KIF1A: variants seen among roughly 807,000 people sequenced by gnomAD.
KIF1A encodes kinesin-like protein KIF1A.
KIF1A carries 46 observed loss-of-function variants against 227.3 expected under a neutral mutation model. That is an observed-to-expected ratio of 0.20 (90% CI 0.16 to 0.26). The LOEUF (loss-of-function observed/expected upper bound fraction) is 0.26, where lower values mean the gene tolerates loss of function less well. Among genes scored for constraint, KIF1A ranks in the 10% least tolerant of loss-of-function variants. The pLI is 1.00. For missense variants in KIF1A, 1,683 were observed against 2,485.9 expected (o/e 0.68, Z 6.87); for synonymous variants, 1,022 against 1,012.8 (o/e 1.01, Z -0.17).
chr2:240,803,084 C>A (rs573942491), intron 1 of KIF1A, among the ~76,000 whole-genome samples: 62 of 151,980 alleles, frequency 4.1e-4, no homozygotes, highest in Non-Finnish European at 8.5e-4. Flanking sequence ...TCAATACCCT[C>A]AAAAAAAATC....
chr2:240,775,357 G>A lies in KIF1A; in HGVS notation c.958+494C>T, dbSNP rs1442995055. On this transcript the variant is annotated intron_variant, in intron 11 of 48. Coordinates refer to ENST00000498729, the MANE Select transcript of KIF1A (RefSeq NM_001244008.2). The surrounding 1 kb of genome is among the most constrained non-coding windows in gnomAD (Gnocchi z 5.5). ...AAATGCAGTTGGGGAGGACTCTGAG[G>A]TTATTCCGGGATGGACGGGATCAGC... Among the ~76,000 whole-genome samples the A allele has an allele frequency of 6.6e-6, 1 of 152,228 alleles. No individual in the cohort carries two copies. The highest frequency in any genetic ancestry group is 1.5e-5 in the Non-Finnish European group (1 of 68,026).
chr2:240,744,936 C>T (rs1298574877), intron 32 of KIF1A, among the ~76,000 whole-genome samples: 2 of 152,186 alleles, frequency 1.3e-5, no homozygotes, highest in Admixed American at 6.5e-5. Context: ...CCAGTTCTCC[C>T]GCCTGGAGAA....
Position 240,729,431 on chromosome 2 carries a change from G to C in KIF1A, c.4008-2491C>G, listed in dbSNP as rs979478176. Among the ~76,000 whole-genome samples, 43 of 152,212 alleles carry C rather than the reference G, an allele frequency of 2.8e-4. 1 individual carries two copies. Among genetic ancestry groups the C allele is most frequent in the Non-Finnish European group, 5.9e-5 (4 of 68,030 alleles). On this transcript the variant is annotated intron_variant, in intron 38 of 48. Transcript: ENST00000498729. ...TCTCTGTGCCCTTCAGAGAGCACCA[G>C]GTCCTCCCAGCCCAGGCACTCCTCA...
At chr2:240,746,730 ACT>A (rs1368158828) in intron 29 of KIF1A, among the ~76,000 whole-genome samples, 1 of 152,012 alleles carries the variant, frequency 6.6e-6, no homozygotes, top group Non-Finnish European at 1.5e-5. Flanking sequence ...TTCCTCCACC[ACT>A]CTCTCAAGAG....
intron 38 of KIF1A, among the ~76,000 whole-genome samples, chr2:240,735,189 G>A (rs756623529): frequency 4.1e-4 from 63 of 152,278 alleles, no homozygotes; most frequent in African/African-American, 1.1e-3. Context: ...GGCCAAAGCC[G>A]CTTCGGGGAG....
In KIF1A at chr2:240,736,620, G is replaced by A. The variant is rs2047355815; in HGVS notation, c.4007+443C>T. Among the ~76,000 whole-genome samples, 1 of 152,314 alleles carries A rather than the reference G, an allele frequency of 6.6e-6. No individual in the cohort carries two copies. Among genetic ancestry groups the A allele is most frequent in the South Asian group, 2.1e-4 (1 of 4,820 alleles). On this transcript the variant is annotated intron_variant, in intron 38 of 48. Coordinates refer to ENST00000498729, the MANE Select transcript of KIF1A (RefSeq NM_001244008.2). The surrounding 1 kb of genome is among the most constrained non-coding windows in gnomAD (Gnocchi z 4.7). ...GTGTAGGAAGGAGCAGCCTGGTGAT[G>A]AGGGGCCTGTGCCAAGCAGTGCCTA...
In KIF1A at chr2:240,775,077, C is replaced by T. The variant is rs2052564794; in HGVS notation, c.958+774G>A. Reference sequence around the variant, plus strand: ...CTGGAGCAGGCGGCTCCTTCCCAGCCCACGTCTCAGGTGAAGGAACACACT... The same window carrying T: ...CTGGAGCAGGCGGCTCCTTCCCAGCTCACGTCTCAGGTGAAGGAACACACT... On this transcript the variant is annotated intron_variant, in intron 11 of 48. Transcript: ENST00000498729. The surrounding 1 kb of genome is among the most constrained non-coding windows in gnomAD (Gnocchi z 5.5). 6.6e-6 allele frequency among the ~76,000 whole-genome samples: 1 copy of T among 152,212 alleles called. No homozygotes were observed. The highest frequency in any genetic ancestry group is 2.1e-4 in the South Asian group (1 of 4,830).
intron 4 of KIF1A, 97 bp from the exon 5 acceptor site, chr2:240,787,413 T>C: frequency 9.5e-7 from 1 of 1,051,090 alleles, no homozygotes; most frequent in Non-Finnish European, 1.5e-6. Context: ...CCAGGCGGGA[T>C]CCACCCTCTC....
At position 240,723,545 on chromosome 2, in the gene KIF1A, C is replaced by T. The variant is rs776552179; in HGVS notation, c.4332G>A (p.Arg1444=). 19 of 1,537,928 alleles carry T rather than the reference C, an allele frequency of 1.2e-5. No homozygotes were observed. The highest frequency in any genetic ancestry group is 1.7e-5 in the Non-Finnish European group (19 of 1,137,070). The change falls in exon 42 of 49, where the codon CGG becomes CGA. Residue 1444 remains arginine (R), a synonymous_variant. Coordinates refer to ENST00000498729, the MANE Select transcript of KIF1A (RefSeq NM_001244008.2). Reference sequence around the variant, plus strand: ...CAGATGTGTCCAGGACTCGTCGGCGCCGGCGCTGCATCCCTGCATGGGGCA... The same window carrying T: ...CAGATGTGTCCAGGACTCGTCGGCGTCGGCGCTGCATCCCTGCATGGGGCA... ...ADAGSPGMQR[R]RRRVLDTSVA... is the part of the protein sequence containing the mutation.
In KIF1A at chr2:240,757,840, CA is replaced by C. The variant is rs1334104361; in HGVS notation, c.2583-247del. Among the ~76,000 whole-genome samples, 4 of 152,158 alleles carry C rather than the reference CA, an allele frequency of 2.6e-5. No homozygotes were observed. The highest frequency in any genetic ancestry group is 2.6e-4 in the Admixed American group (4 of 15,274). On this transcript the variant is annotated intron_variant, in intron 26 of 48. Transcript: ENST00000498729. The surrounding 1 kb of genome is among the most constrained non-coding windows in gnomAD (Gnocchi z 6.2). ...GGACACCTGCAGGTGGGACTGAGAA[CA>C]GGGGTCTCGGCTGGGAGTGGCTGAG...
chr2:240,734,877 G>T, intron 38 of KIF1A: 1 of 623,648 alleles, frequency 1.6e-6, no homozygotes, highest in Non-Finnish European at 2.7e-6. Flanking sequence ...AAAGCGTGGG[G>T]CCTGGGAGCG....
chr2:240,773,422 A>G (rs569275405), intron 12 of KIF1A, among the ~76,000 whole-genome samples, 166 bp from the exon 13 acceptor site: 71 of 152,256 alleles, frequency 4.7e-4, no homozygotes, highest in Non-Finnish European at 8.2e-4. Flanking sequence ...AATCGCCCCC[A>G]TGGCAAGTCG....
At chr2:240,731,051 G>T (rs1047834002) in intron 38 of KIF1A, among the ~76,000 whole-genome samples, 2 of 152,238 alleles carry the variant, frequency 1.3e-5, no homozygotes, top group Admixed American at 1.3e-4. Flanking sequence ...TGTACAGCTG[G>T]GAAGGCTGAT....
rs974835034 is a variant in KIF1A at position 240,740,607 on chromosome 2, A to G, written c.3750-243T>C. ...AGGGTGTCCAACAAGGAGACACGGT[A>G]TGGCACAGCCTGGCCCCTCTGGGCT... On this transcript the variant is annotated intron_variant, in intron 35 of 48. Transcript: ENST00000498729. This position sits in a 1 kb window ranked among gnomAD's most constrained non-coding sequence, Gnocchi z 6.1. 2.6e-5 allele frequency among the ~76,000 whole-genome samples: 4 copies of G among 151,924 alleles called. No individual in the cohort carries two copies. The highest frequency in any genetic ancestry group is 1.3e-4 in the Admixed American group (2 of 15,274).
intron 47 of KIF1A, 62 bp from the exon 48 acceptor site, chr2:240,718,230 G>T: frequency 8.8e-7 from 1 of 1,132,296 alleles, no homozygotes; most frequent in Non-Finnish European, 1.3e-6. Flanking sequence ...CCACCCTCCT[G>T]CTCCCCAGGG....
At position 240,763,281 on chromosome 2, in the gene KIF1A, C is replaced by T. The variant is rs997647746; in HGVS notation, c.1834G>A (p.Glu612Lys). 1 of 1,607,446 alleles carries T rather than the reference C, an allele frequency of 6.2e-7. No individual in the cohort carries two copies. The highest frequency in any genetic ancestry group is 8.5e-7 in the Non-Finnish European group (1 of 1,177,306). Reference sequence around the variant, plus strand: ...TCCGCACAAGGCGTGCGCTCACGCTCCTGCCGGGCCTGCTCGGGGTGGTTG... The same window carrying T: ...TCCGCACAAGGCGTGCGCTCACGCTTCTGCCGGGCCTGCTCGGGGTGGTTG... Reference protein sequence around the residue: ...RFNHPEQARQERERTPCAETP... With the variant: ...RFNHPEQARQKRERTPCAETP... The change falls in exon 21 of 49, where the codon GAG becomes AAG. Residue 612 changes from glutamate (E) to lysine (K), a missense_variant. This residue lies in a region of KIF1A where 217 missense variants were observed against 427.0 expected (regional missense o/e 0.51). Transcript: ENST00000498729.
At chr2:240,770,393 G>A (rs1050836619) in intron 15 of KIF1A, among the ~76,000 whole-genome samples, 46 of 152,160 alleles carry the variant, frequency 3.0e-4, no homozygotes, top group African/African-American at 1.0e-3. Flanking sequence ...ATGGCCTGGA[G>A]GGAGCTCAGG....
rs1281347622 is a variant in KIF1A, at chr2:240,740,412, C to T, written c.3750-48G>A. The T allele has an allele frequency of 1.3e-6, 2 of 1,500,382 alleles. No individual in the cohort carries two copies. Among genetic ancestry groups the T allele is most frequent in the Non-Finnish European group, 1.9e-6 (2 of 1,077,878 alleles). 92.9% of individuals were successfully genotyped at this position (1,500,382 alleles called of 1,614,324 possible). A position where few individuals can be genotyped will look rare whatever the true frequency, so the allele number is the denominator to read the frequency against. On this transcript the variant is annotated intron_variant, in intron 35 of 48. Transcript: ENST00000498729. This position sits in a 1 kb window ranked among gnomAD's most constrained non-coding sequence, Gnocchi z 6.1. ...AGGAGCGGCCAGCCCCTCCTCTCTG[C>T]CCTCCCCGCAGCACAGGACACAGTG...
intron 38 of KIF1A, chr2:240,728,351 C>T: frequency 7.9e-6 from 10 of 1,266,130 alleles, no homozygotes; most frequent in Non-Finnish European, 9.4e-6. Context: ...CAGAAGAGGA[C>T]AGACCAAGCA....
Sources: allele counts gnomAD v4.1 joint callset (sites outside exome capture counted in the v4.1 genomes callset), GRCh38; gene constraint gnomAD v4.1.1; regional missense constraint gnomAD v4.1.1; non-coding constraint Gnocchi (gnomAD v3.1); transcripts MANE v1.5; gene names NCBI Gene and HGNC (gene_info 2026-07-23, HGNC 2026-07-21).